Variants in CCDC138 observed in about 807,000 individuals in gnomAD.
CCDC138 encodes coiled-coil domain containing 138, also known as coiled-coil domain-containing protein 138.
Under a neutral mutation model 82.3 loss-of-function variants are expected in CCDC138, and 66 were observed. The observed-to-expected ratio is 0.80, with a 90% CI of 0.66 to 0.98. The LOEUF (loss-of-function observed/expected upper bound fraction) is 0.98, where lower values mean the gene tolerates loss of function less well. Among genes scored for constraint, CCDC138 ranks in the 50% least tolerant of loss-of-function variants. CCDC138 has a pLI of 0.00. For synonymous variants in CCDC138, 297 were observed against 265.4 expected, an observed-to-expected ratio of 1.12 and a Z score of -1.16; for missense variants, 816 against 758.9, an observed-to-expected ratio of 1.08 and a Z score of -0.88.
At chr2:108,843,869 TGTGTG>T (rs546151002) in intron 11 of CCDC138, among the ~76,000 whole-genome samples, 1 of 134,422 alleles carries the variant, frequency 7.4e-6, no homozygotes, top group African/African-American at 2.8e-5. Context: ...TGTGTGTGTG[TGTGTG>T]TGTGTTTCTT....
At chr2:108,859,452 G>C (rs1365655717) in intron 13 of CCDC138, among the ~76,000 whole-genome samples, 1 of 151,994 alleles carries the variant, frequency 6.6e-6, no homozygotes, top group African/African-American at 2.4e-5. Flanking sequence ...CTTTTGATGA[G>C]TTTGTCATAA....
At chr2:108,882,318 A>G (rs1315082577) in intron 1 of CCDC138, 1 of 152,200 alleles carries the variant, frequency 6.6e-6, no homozygotes, top group Non-Finnish European at 1.5e-5. Context: ...GGGTTGCCAC[A>G]AATCTTCAAT....
intron 13 of CCDC138, among the ~76,000 whole-genome samples, chr2:108,861,800 G>A (rs1280020297): frequency 2.6e-5 from 4 of 151,606 alleles, no homozygotes; most frequent in Non-Finnish European, 5.9e-5. Context: ...GCCTCCCAAA[G>A]TGCTGGGATT....
At chr2:108,796,715 A>G (rs549405599) in intron 5 of CCDC138, among the ~76,000 whole-genome samples, 1 of 152,212 alleles carries the variant, frequency 6.6e-6, no homozygotes, top group South Asian at 2.1e-4. Flanking sequence ...GAAATAAGCC[A>G]GGCACAGAAG....
At chr2:108,799,285 C>T (rs567981638) in intron 6 of CCDC138, among the ~76,000 whole-genome samples, 2 of 152,250 alleles carry the variant, frequency 1.3e-5, no homozygotes, top group South Asian at 2.1e-4. Flanking sequence ...ATATACCTTG[C>T]TTCATATTAA....
chr2:108,826,242 C>T (rs1044335440), intron 10 of CCDC138, among the ~76,000 whole-genome samples: 1 of 152,128 alleles, frequency 6.6e-6, no homozygotes, highest in Non-Finnish European at 1.5e-5. Context: ...TCCTTTGAAG[C>T]ATAAAGGTTT....
chr2:108,857,777 C>T (rs1320578917), intron 13 of CCDC138, among the ~76,000 whole-genome samples: 2 of 152,114 alleles, frequency 1.3e-5, no homozygotes. Flanking sequence ...ACTTAAGTGC[C>T]TAGATTCCCA....
At chr2:108,848,438 T>C (rs1690862821) in intron 12 of CCDC138, among the ~76,000 whole-genome samples, 1 of 152,202 alleles carries the variant, frequency 6.6e-6, no homozygotes, top group East Asian at 1.9e-4. Context: ...TTCAAAGAAA[T>C]ATAACAGGGC....
Position 108,846,824 on chromosome 2 carries a change from A to G in CCDC138, c.1410A>G (p.Pro470=), listed in dbSNP as rs1482716923. ...CTAAAGGAATTCAGGATAATTCTCC[A>G]CAGCATTCTGTGGAGAATAAACCAA... is the stretch of plus-strand genomic sequence containing the variant. ...VVTKGIQDNS[P]QHSVENKPKT... The change falls in exon 12 of 15, where the codon CCA becomes CCG. Residue 470 remains proline (P), a synonymous_variant. Transcript: ENST00000295124. 6.2e-7 allele frequency: 1 copy of G among 1,613,030 alleles called. No individual in the cohort carries two copies. The highest frequency in any genetic ancestry group is 1.7e-5 in the Admixed American group (1 of 59,878).
In CCDC138 at chr2:108,811,247, C is replaced by CTCTTT. The variant is rs760937756; in HGVS notation, c.856-1383_856-1382insCTTTT. Among the ~76,000 whole-genome samples the CTCTTT allele has an allele frequency of 4.0e-4, 46 of 113,898 alleles. 1 individual carries two copies. The highest frequency in any genetic ancestry group is 4.9e-3 in the Middle Eastern group (1 of 204). 74.7% of individuals were successfully genotyped at this position (113,898 alleles called of 152,430 possible). A position where few individuals can be genotyped will look rare whatever the true frequency, so the allele number is the denominator to read the frequency against. ...CTCCCTTTTCTTTCTTTCTCTCTCT[C>CTCTTT]TTTTTTTTTTTTTTTGACTGTCTCC... On this transcript the variant is annotated intron_variant, in intron 7 of 14. Coordinates refer to ENST00000295124, the MANE Select transcript of CCDC138 (RefSeq NM_144978.3).
At chr2:108,862,077 G>GTTTTTTTTTTTTT (rs71383810) in intron 13 of CCDC138, among the ~76,000 whole-genome samples, 2 of 141,386 alleles carry the variant, frequency 1.4e-5, no homozygotes, top group Non-Finnish European at 1.5e-5. Context: ...TATGATTTCA[G>GTTTTTTTTTTTTT]TTTTTTTTTT....
intron 9 of CCDC138, among the ~76,000 whole-genome samples, chr2:108,814,496 G>A (rs1574034987): frequency 6.6e-6 from 1 of 152,078 alleles, no homozygotes; most frequent in South Asian, 2.1e-4. Context: ...AATTGAGAAA[G>A]TGAAAAATTG....
chr2:108,805,085 C>T, intron 7 of CCDC138, 77 bp downstream of exon 7: 3 of 756,940 alleles, frequency 4.0e-6, no homozygotes, highest in Non-Finnish European at 5.6e-6. Context: ...TTAAAGTCAG[C>T]CTTAGAACAC....
intron 10 of CCDC138, among the ~76,000 whole-genome samples, chr2:108,833,325 C>T (rs140203127): frequency 6.6e-6 from 1 of 152,186 alleles, no homozygotes; most frequent in Non-Finnish European, 1.5e-5. Flanking sequence ...ATGGAAGGTA[C>T]TGGCAGGTGG....
At chr2:108,845,049 A>AT (rs1364553418) in intron 11 of CCDC138, among the ~76,000 whole-genome samples, 1 of 149,232 alleles carries the variant, frequency 6.7e-6, no homozygotes. Flanking sequence ...CCTGGCCCAC[A>AT]TTTTTTTTTC....
At position 108,876,312 on chromosome 2, in the gene CCDC138, C is replaced by A. The variant is rs776066757; in HGVS notation, c.*59C>A. ...CTTATTTATAAACATGTAGAAATTA[C>A]CAAAGTAACTACAATTCTACCAAGT... is the stretch of plus-strand genomic sequence containing the variant. On this transcript the variant is annotated 3_prime_UTR_variant, in exon 15 of 15. Transcript: ENST00000295124. The A allele has an allele frequency of 8.8e-6, 8 of 908,994 alleles. No individual in the cohort carries two copies. The highest frequency in any genetic ancestry group is 5.1e-5 in the South Asian group (2 of 39,232). 56.3% of individuals were successfully genotyped at this position (908,994 alleles called of 1,614,324 possible).
At chr2:108,836,173 A>T (rs1477934427) in intron 10 of CCDC138, among the ~76,000 whole-genome samples, 5 of 151,562 alleles carry the variant, frequency 3.3e-5, no homozygotes, top group African/African-American at 4.9e-5. Context: ...CATTTCACCT[A>T]CCCCCGCCCC....
intron 13 of CCDC138, among the ~76,000 whole-genome samples, chr2:108,860,372 T>G (rs952555018): frequency 6.6e-6 from 1 of 152,138 alleles, no homozygotes; most frequent in Non-Finnish European, 1.5e-5. Flanking sequence ...TAGTACTTTG[T>G]TGAAGGAGTG....
intron 7 of CCDC138, among the ~76,000 whole-genome samples, chr2:108,809,237 G>C (rs1341177781): frequency 6.6e-6 from 1 of 152,150 alleles, no homozygotes; most frequent in Non-Finnish European, 1.5e-5. Flanking sequence ...TATATTTTGA[G>C]TTTAGGTAGT....
Sources: allele counts gnomAD v4.1 joint callset (sites outside exome capture counted in the v4.1 genomes callset), GRCh38; gene constraint gnomAD v4.1.1; transcripts MANE v1.5; gene names NCBI Gene and HGNC (gene_info 2026-07-23, HGNC 2026-07-21).